The following EBF3 variants were observed in gnomAD, a reference collection of about 807,000 sequenced individuals.
EBF3 encodes the protein EBF transcription factor 3, also known as transcription factor COE3.
A neutral mutation model predicts 77.1 loss-of-function variants in EBF3; 18 were observed. The ratio of observed to expected loss-of-function variants is 0.23; its 90% CI spans 0.16 to 0.35. EBF3 has a LOEUF of 0.35. EBF3 is among the 10% of genes least tolerant of loss of function. The pLI, the probability that EBF3 is intolerant of heterozygous loss-of-function variation, is 1.00. For missense variants in EBF3, 558 were observed against 860.0 expected (o/e 0.65, Z 4.39); for synonymous variants, 350 against 343.5 (o/e 1.02, Z -0.21).
rs1043637220 is a variant in EBF3 at position 129,947,205 on chromosome 10, G to C, written c.554+10053C>G. The stretch of plus-strand genomic sequence containing the variant: ...TATCAAGGAAGAGGGGCCGCCGGGG[G>C]ACCACCCCATCCCGGCACACTGATC... On this transcript the variant is annotated intron_variant, in intron 6 of 16. Transcript: ENST00000440978. This position sits in a 1 kb window ranked among gnomAD's most constrained non-coding sequence, Gnocchi z 4.5. Among the ~76,000 whole-genome samples the C allele has an allele frequency of 6.6e-6, 1 of 152,208 alleles. No homozygotes were observed. Among genetic ancestry groups the C allele is most frequent in the Non-Finnish European group, 1.5e-5 (1 of 68,044 alleles).
intron 6 of EBF3, among the ~76,000 whole-genome samples, chr10:129,889,161 G>A (rs1041008756): frequency 2.0e-5 from 3 of 152,224 alleles, no homozygotes; most frequent in African/African-American, 7.2e-5. Context: ...TCTGCTGGCC[G>A]CCAAAGCCCT....
At chr10:129,941,640 G>A (rs1220167908) in intron 6 of EBF3, among the ~76,000 whole-genome samples, 4 of 152,242 alleles carry the variant, frequency 2.6e-5, no homozygotes, top group Non-Finnish European at 5.9e-5. Flanking sequence ...AGGCAGAGGT[G>A]GCAGTGAGGA....
intron 6 of EBF3, among the ~76,000 whole-genome samples, chr10:129,899,932 C>A (rs944152664): frequency 2.6e-5 from 4 of 152,234 alleles, no homozygotes; most frequent in African/African-American, 9.6e-5. Flanking sequence ...AATAGACCAT[C>A]ATTTGGAGGA....
intron 6 of EBF3, among the ~76,000 whole-genome samples, chr10:129,954,212 A>G (rs1309073987): frequency 6.6e-6 from 1 of 152,128 alleles, no homozygotes; most frequent in African/African-American, 2.4e-5. Context: ...TTTATTGACC[A>G]TGCTTTTTAC....
At chr10:129,882,421 A>T (rs1277289544) in intron 6 of EBF3, among the ~76,000 whole-genome samples, 1 of 152,274 alleles carries the variant, frequency 6.6e-6, no homozygotes, top group African/African-American at 2.4e-5. Context: ...AGTCCGTGGC[A>T]TTAGATGCTG....
In EBF3 at chr10:129,885,582, TC is replaced by T. The variant is rs923581651; in HGVS notation, c.555-7734del. On this transcript the variant is annotated intron_variant, in intron 6 of 16. Transcript: ENST00000440978. The surrounding 1 kb of genome is among the most constrained non-coding windows in gnomAD (Gnocchi z 4.0). ...CTTGTTTCAAGTGCCTATCTTTCTT[TC>T]CCCCCTTTACCTATTTCTCTATTTC... 1.8e-4 allele frequency among the ~76,000 whole-genome samples: 28 copies of T among 152,178 alleles called. No individual in the cohort carries two copies. Among genetic ancestry groups the T allele is most frequent in the African/African-American group, 6.3e-4 (26 of 41,516 alleles).
At chr10:129,869,431 G>A (rs1378716296) in intron 8 of EBF3, among the ~76,000 whole-genome samples, 1 of 129,634 alleles carries the variant, frequency 7.7e-6, no homozygotes. Context: ...GCTCCCCCAC[G>A]GCTCTCCAGC....
chr10:129,889,829 G>A (rs1283897027), intron 6 of EBF3, among the ~76,000 whole-genome samples: 3 of 142,032 alleles, frequency 2.1e-5, no homozygotes, highest in East Asian at 2.1e-4. Context: ...AATGCAAACC[G>A]TAGAGGCTCA....
In EBF3 at chr10:129,837,483, T is replaced by C. The variant is rs1042855730; in HGVS notation, c.*460A>G. On this transcript the variant is annotated 3_prime_UTR_variant, in exon 17 of 17. Transcript: ENST00000440978. ...CACCACAAAAAAATATTTCACATTA[T>C]AGAGATACACAACCATTGTGAATCT... is the stretch of plus-strand genomic sequence containing the variant. 6.1e-6 allele frequency: 1 copy of C among 164,074 alleles called. No individual in the cohort carries two copies. The highest frequency in any genetic ancestry group is 1.3e-5 in the Non-Finnish European group (1 of 75,568). The allele number at this position is 164,074 out of a possible 1,614,324, so 10.2% of individuals were successfully genotyped here. A position where few individuals can be genotyped will look rare whatever the true frequency, so the allele number is the denominator to read the frequency against.
At chr10:129,894,536 G>A (rs750140306) in intron 6 of EBF3, among the ~76,000 whole-genome samples, 9 of 152,082 alleles carry the variant, frequency 5.9e-5, no homozygotes, top group Admixed American at 2.0e-4. Flanking sequence ...TCTGGGCCCC[G>A]CCTCTGTGCC....
chr10:129,928,052 A>G (rs1856787401), intron 6 of EBF3, among the ~76,000 whole-genome samples: 1 of 152,214 alleles, frequency 6.6e-6, no homozygotes, highest in African/African-American at 2.4e-5. Context: ...GAGATCTAAC[A>G]GGAACCGTTA....
At chr10:129,843,460 A>G in intron 11 of EBF3, 1 of 432,308 alleles carries the variant, frequency 2.3e-6, no homozygotes, top group Non-Finnish European at 4.2e-6. Context: ...ACAGAGGTGC[A>G]CGGACAAGCG....
chr10:129,951,875 C>A (rs1296104687), intron 6 of EBF3, among the ~76,000 whole-genome samples: 1 of 152,230 alleles, frequency 6.6e-6, no homozygotes, highest in African/African-American at 2.4e-5. Context: ...TGCAGCTCTT[C>A]CTTTTCTGTT....
intron 10 of EBF3, among the ~76,000 whole-genome samples, chr10:129,858,677 A>G (rs1851417622): frequency 6.6e-6 from 1 of 151,558 alleles, no homozygotes; most frequent in Admixed American, 6.6e-5. Context: ...ATGGAGAAAA[A>G]CCTCGCAGAA....
Position 129,938,952 on chromosome 10 carries a change from G to C in EBF3, c.554+18306C>G, listed in dbSNP as rs1228799209. ...TTATCCCAACTCCATCCTTTAAACA[G>C]CTCCTAGAACCTCTGACCTGTCCCA... On this transcript the variant is annotated intron_variant, in intron 6 of 16. Coordinates refer to ENST00000440978, the MANE Select transcript of EBF3 (RefSeq NM_001375380.1). This position sits in a 1 kb window ranked among gnomAD's most constrained non-coding sequence, Gnocchi z 5.1. Among the ~76,000 whole-genome samples the C allele has an allele frequency of 6.6e-6, 1 of 152,202 alleles. No individual in the cohort carries two copies. The highest frequency in any genetic ancestry group is 1.5e-5 in the Non-Finnish European group (1 of 68,042).
At chr10:129,871,230 C>G (rs964705588) in intron 8 of EBF3, among the ~76,000 whole-genome samples, 1 of 151,802 alleles carries the variant, frequency 6.6e-6, no homozygotes, top group African/African-American at 2.4e-5. Flanking sequence ...GAGTCGTTTA[C>G]GAGGGGACAA....
At chr10:129,930,696 T>C (rs1315502134) in intron 6 of EBF3, among the ~76,000 whole-genome samples, 7 of 145,274 alleles carry the variant, frequency 4.8e-5, no homozygotes, top group Admixed American at 1.4e-4. Flanking sequence ...TATCTCTATA[T>C]TAACAAATCC....
At chr10:129,941,061 C>T (rs970589149) in intron 6 of EBF3, among the ~76,000 whole-genome samples, 1 of 152,212 alleles carries the variant, frequency 6.6e-6, no homozygotes, top group Non-Finnish European at 1.5e-5. Flanking sequence ...AGAGCCCGCC[C>T]ACTCCCTGAA....
rs1855561836 is a variant in EBF3 at position 129,912,048 on chromosome 10, G to A, written c.555-34199C>T. Among the ~76,000 whole-genome samples the A allele has an allele frequency of 2.0e-5, 3 of 152,186 alleles. No homozygotes were observed. In the South Asian group the frequency reaches 6.2e-4, roughly 32 times the overall value. ...CACCTGCGTGGGACTCCCCGTGAAG[G>A]AATGCCACTGAATGAAGAGGGCTCC... is the stretch of plus-strand genomic sequence containing the variant. On this transcript the variant is annotated intron_variant, in intron 6 of 16. Transcript: ENST00000440978.
Sources: allele counts gnomAD v4.1 joint callset (sites outside exome capture counted in the v4.1 genomes callset), GRCh38; gene constraint gnomAD v4.1.1; non-coding constraint Gnocchi (gnomAD v3.1); transcripts MANE v1.5; gene names NCBI Gene and HGNC (gene_info 2026-07-23, HGNC 2026-07-21).